The following MGAT5 variants were observed in gnomAD, a reference collection of about 807,000 sequenced individuals.
MGAT5 encodes alpha-1,6-mannosylglycoprotein 6-beta-N-acetylglucosaminyltransferase A.
Under a neutral mutation model 94.3 loss-of-function variants are expected in MGAT5, and 30 were observed. The observed-to-expected ratio is 0.32, with a 90% CI of 0.24 to 0.43. MGAT5 has a LOEUF of 0.43. Among genes scored for constraint, MGAT5 ranks in the 20% least tolerant of loss-of-function variants. The pLI is 1.00. For synonymous variants in MGAT5, 310 were observed against 322.9 expected (o/e 0.96, Z 0.43); for missense variants, 691 against 905.5 (o/e 0.76, Z 3.04).
In MGAT5 at chr2:134,430,485, C is replaced by T. The variant is rs558950816; in HGVS notation, c.1869+2046C>T. On this transcript the variant is annotated intron_variant, in intron 14 of 15. Coordinates refer to ENST00000281923, the MANE Select transcript of MGAT5 (RefSeq NM_002410.5). ...CCTAGTAACCTGCTGGACACATGGTCGGTGCACAGTAACTTCCAGGTGACA... is the reference window on the plus strand; with the variant it reads ...CCTAGTAACCTGCTGGACACATGGTTGGTGCACAGTAACTTCCAGGTGACA... Among the ~76,000 whole-genome samples, 32 of 152,168 alleles carry T rather than the reference C, an allele frequency of 2.1e-4. No homozygotes were observed. In the South Asian group the frequency reaches 6.2e-3, roughly 30 times the overall value.
At chr2:134,448,315 A>G (rs1350130526) in intron 15 of MGAT5, among the ~76,000 whole-genome samples, 1 of 152,206 alleles carries the variant, frequency 6.6e-6, no homozygotes, top group Non-Finnish European at 1.5e-5. Flanking sequence ...AGAGAACTCT[A>G]AAAGCACAGA....
At chr2:134,398,733 A>G (rs951489051) in intron 10 of MGAT5, among the ~76,000 whole-genome samples, 1 of 105,942 alleles carries the variant, frequency 9.4e-6, no homozygotes, top group Non-Finnish European at 2.3e-5. Flanking sequence ...ATGGAATACG[A>G]TTCGGCCATT....
intron 1 of MGAT5, among the ~76,000 whole-genome samples, chr2:134,152,077 C>G: frequency 6.8e-6 from 1 of 146,080 alleles, no homozygotes; most frequent in South Asian, 2.2e-4. Context: ...GCCATGGGAC[C>G]TCACTCACTC....
At chr2:134,273,037 G>GTGCA (rs1312668367) in intron 2 of MGAT5, among the ~76,000 whole-genome samples, 1 of 150,210 alleles carries the variant, frequency 6.7e-6, no homozygotes, top group Non-Finnish European at 1.5e-5. Context: ...GCGCGTGCGC[G>GTGCA]TGCATGCATG....
In MGAT5 at chr2:134,145,523, G is replaced by A. The variant is rs1414321608; in HGVS notation, c.-143+25232G>A. Among the ~76,000 whole-genome samples, 3 of 152,242 alleles carry A rather than the reference G, an allele frequency of 2.0e-5. No homozygotes were observed. In the East Asian group the frequency reaches 5.8e-4, roughly 29 times the overall value. ...GTTGTGCCACTGCACTCCAGCCTGG[G>A]CGACAGAGCGAGACTCCGTCTCAAA... On this transcript the variant is annotated intron_variant, in intron 1 of 16. Coordinates refer to the MGAT5 transcript ENST00000409645.
chr2:134,353,895 A>C (rs1439108), intron 9 of MGAT5, among the ~76,000 whole-genome samples: 142,721 of 151,756 alleles, frequency 0.94, 67,520 homozygotes, highest in East Asian at 1. Context: ...GCAACAACAA[A>C]AAAAAAAAAT....
At chr2:134,369,804 C>A (rs1398755053) in intron 10 of MGAT5, among the ~76,000 whole-genome samples, 1 of 149,146 alleles carries the variant, frequency 6.7e-6, no homozygotes, top group Admixed American at 6.7e-5. Flanking sequence ...AATTTGCTAT[C>A]TTATCCTTTA....
At chr2:134,373,336 G>C (rs16830504) in intron 10 of MGAT5, among the ~76,000 whole-genome samples, 4,242 of 152,236 alleles carry the variant, frequency 0.028, 180 homozygotes, top group African/African-American at 0.089. Flanking sequence ...TGTGTGGAAG[G>C]CTGTTAGAAA....
chr2:134,233,092 G>C (rs913272376), intron 1 of MGAT5, among the ~76,000 whole-genome samples: 1 of 152,198 alleles, frequency 6.6e-6, no homozygotes. Context: ...TGATGTCATC[G>C]TGAGTTGTTT....
chr2:134,263,216 C>G (rs1225466748), intron 1 of MGAT5, among the ~76,000 whole-genome samples: 1 of 152,150 alleles, frequency 6.6e-6, no homozygotes, highest in African/African-American at 2.4e-5. Context: ...GGCTAAAATT[C>G]TTGGTTCCTA....
chr2:134,199,255 A>G (rs970005371), intron 1 of MGAT5, among the ~76,000 whole-genome samples: 1 of 151,970 alleles, frequency 6.6e-6, no homozygotes, highest in African/African-American at 2.4e-5. Context: ...TACTCCTCTG[A>G]TAAGAGGGCA....
intron 2 of MGAT5, among the ~76,000 whole-genome samples, chr2:134,315,492 G>A (rs1686946858): frequency 6.6e-6 from 1 of 152,208 alleles, no homozygotes; most frequent in Non-Finnish European, 1.5e-5. Flanking sequence ...TCTGGAGCTG[G>A]CAGCTAGAAG....
In MGAT5 at chr2:134,450,714, C is replaced by G. The variant is rs916831244; in HGVS notation, c.*1867C>G. 5 of 152,458 alleles carry G rather than the reference C, an allele frequency of 3.3e-5. No individual in the cohort carries two copies. In the East Asian group the frequency reaches 9.7e-4, roughly 30 times the overall value. The allele number at this position is 152,458 out of a possible 1,614,324, so 9.4% of individuals were successfully genotyped here. A position where few individuals can be genotyped will look rare whatever the true frequency, so the allele number is the denominator to read the frequency against. On this transcript the variant is annotated 3_prime_UTR_variant, in exon 16 of 16. Coordinates refer to ENST00000281923, the MANE Select transcript of MGAT5 (RefSeq NM_002410.5). ...CATCATCACAGGGGCGCCTCCAGAC[C>G]TGGCTGAGAATAGCCTCTGCTTGGG... is the stretch of plus-strand genomic sequence containing the variant.
intron 1 of MGAT5, among the ~76,000 whole-genome samples, chr2:134,129,543 T>C (rs1686018080): frequency 6.6e-6 from 1 of 152,182 alleles, no homozygotes; most frequent in Non-Finnish European, 1.5e-5. Context: ...GGAACTATTT[T>C]TCTTTGCAAA....
rs4954132 is a variant in MGAT5, at chr2:134,318,475, T to G, written c.484-175T>G. Among the ~76,000 whole-genome samples the G allele has an allele frequency of 0.97, 146,956 of 152,232 alleles. 71,031 individuals are homozygous for G. Among genetic ancestry groups the G allele is most frequent in the East Asian group, 1 (5,163 of 5,164 alleles). Reference sequence around the variant, plus strand: ...AGTGTCTTCCTGTTAATCGTCCAAGTAGGTGAGCTGCACACCTGGCTATCT... The same window carrying G: ...AGTGTCTTCCTGTTAATCGTCCAAGGAGGTGAGCTGCACACCTGGCTATCT... On this transcript the variant is annotated intron_variant, in intron 3 of 15. Transcript: ENST00000281923.
intron 4 of MGAT5, among the ~76,000 whole-genome samples, chr2:134,325,277 C>T (rs1354668488): frequency 6.6e-6 from 1 of 152,116 alleles, no homozygotes; most frequent in Non-Finnish European, 1.5e-5. Context: ...GATGGGGCTT[C>T]AATGCTGTCA....
intron 1 of MGAT5, among the ~76,000 whole-genome samples, chr2:134,257,451 A>G (rs1683040240): frequency 6.6e-6 from 1 of 152,072 alleles, no homozygotes; most frequent in African/African-American, 2.4e-5. Context: ...CAAACACCTG[A>G]CCTCAGATGA....
intron 1 of MGAT5, among the ~76,000 whole-genome samples, chr2:134,194,379 G>C (rs371469039): frequency 7.9e-5 from 12 of 152,062 alleles, no homozygotes; most frequent in Non-Finnish European, 1.8e-4. Flanking sequence ...AATGGTCCTT[G>C]TGGCTTTAAT....
At chr2:134,192,688 T>A (rs982075590) in intron 1 of MGAT5, among the ~76,000 whole-genome samples, 2 of 152,082 alleles carry the variant, frequency 1.3e-5, no homozygotes, top group African/African-American at 4.8e-5. Flanking sequence ...TTTTTATTTT[T>A]ATTACTTTTT....
Sources: allele counts gnomAD v4.1 joint callset (sites outside exome capture counted in the v4.1 genomes callset), GRCh38; gene constraint gnomAD v4.1.1; transcripts MANE v1.5; gene names NCBI Gene and HGNC (gene_info 2026-07-23, HGNC 2026-07-21).